The following RYR2 variants were observed in gnomAD, a reference collection of about 807,000 sequenced individuals.
RYR2 encodes ryanodine receptor 2.
RYR2 carries 227 observed loss-of-function variants against 601.1 expected under a neutral mutation model. The observed-to-expected ratio is 0.38, with a 90% CI of 0.34 to 0.42. The LOEUF is 0.42. Ranked by LOEUF, RYR2 falls within the 10% of genes least tolerant of loss-of-function variation. RYR2 has a pLI of 1.00. For missense variants in RYR2, 4,646 were observed against 6,156.5 expected (o/e 0.75, Z 8.21); for synonymous variants, 2,223 against 2,175.1 (o/e 1.02, Z -0.61).
At chr1:237,458,905 A>G (rs897095862) in intron 16 of RYR2, among the ~76,000 whole-genome samples, 48 of 152,220 alleles carry the variant, frequency 3.2e-4, no homozygotes, top group African/African-American at 1.1e-3. Context: ...TGTTTTCATT[A>G]GGTGGGCTAT....
chr1:237,600,424 A>G (rs980789855), intron 34 of RYR2, among the ~76,000 whole-genome samples: 2 of 152,168 alleles, frequency 1.3e-5, no homozygotes, highest in African/African-American at 4.8e-5. Context: ...TTGGACCCCT[A>G]TTTTTCACCA....
At chr1:237,820,278 T>C (rs546204124) in intron 101 of RYR2, among the ~76,000 whole-genome samples, 6 of 151,364 alleles carry the variant, frequency 4.0e-5, no homozygotes, top group Non-Finnish European at 8.8e-5. Flanking sequence ...CCCAGTGAGA[T>C]TGACGCAGAA....
intron 1 of RYR2, among the ~76,000 whole-genome samples, chr1:237,235,880 G>A (rs1249774818): frequency 6.6e-6 from 1 of 152,156 alleles, no homozygotes; most frequent in African/African-American, 2.4e-5. Flanking sequence ...TCGTGCATAT[G>A]TATGTTGGAG....
At chr1:237,361,920 T>G (rs1289337108) in intron 4 of RYR2, among the ~76,000 whole-genome samples, 1 of 152,232 alleles carries the variant, frequency 6.6e-6, no homozygotes, top group Non-Finnish European at 1.5e-5. Context: ...TTGCATTTGC[T>G]AAGAGAGTGC....
At chr1:237,248,429 G>C (rs535882430) in intron 1 of RYR2, among the ~76,000 whole-genome samples, 1 of 151,996 alleles carries the variant, frequency 6.6e-6, no homozygotes. Flanking sequence ...ATGAACTCTG[G>C]GGTTATTTTC....
chr1:237,147,189 A>T (rs541169779), intron 1 of RYR2, among the ~76,000 whole-genome samples: 11 of 152,166 alleles, frequency 7.2e-5, no homozygotes, highest in Non-Finnish European at 1.3e-4. Context: ...GCATATTTAC[A>T]TGAGAGATTG....
At chr1:237,318,787 A>G (rs142270346) in intron 2 of RYR2, among the ~76,000 whole-genome samples, 51 of 152,160 alleles carry the variant, frequency 3.4e-4, no homozygotes, top group African/African-American at 1.2e-3. Flanking sequence ...CTGGGTGTGG[A>G]TCTCTTTGTA....
At chr1:237,259,525 C>T (rs1353629955) in intron 1 of RYR2, among the ~76,000 whole-genome samples, 1 of 57,158 alleles carries the variant, frequency 1.7e-5, no homozygotes, top group Non-Finnish European at 3.5e-5. Flanking sequence ...AGCTCTAGAC[C>T]ATTTAAAAAA....
rs1420091253 is a variant in RYR2 at position 237,208,958 on chromosome 1, A to G, written c.49-61539A>G. Among the ~76,000 whole-genome samples, 146 of 99,954 alleles carry G rather than the reference A, an allele frequency of 1.5e-3. 7 individuals are homozygous for G. Among genetic ancestry groups the G allele is most frequent in the Middle Eastern group, 4.6e-3 (1 of 218 alleles). The allele number at this position is 99,954 out of a possible 152,430, so 65.6% of individuals were successfully genotyped here. On this transcript the variant is annotated intron_variant, in intron 1 of 104. Coordinates refer to ENST00000366574, the MANE Select transcript of RYR2 (RefSeq NM_001035.3). The stretch of plus-strand genomic sequence containing the variant: ...TGTGTATATATATATATATATATAT[A>G]TATATATATATATATATATATATAT...
chr1:237,202,699 G>T (rs1681332853), intron 1 of RYR2, among the ~76,000 whole-genome samples: 1 of 152,054 alleles, frequency 6.6e-6, no homozygotes, highest in South Asian at 2.1e-4. Flanking sequence ...TGAGCCACCG[G>T]GTCCGTCCTT....
intron 2 of RYR2, among the ~76,000 whole-genome samples, chr1:237,323,708 T>C (rs924987164): frequency 6.6e-6 from 1 of 152,230 alleles, no homozygotes; most frequent in African/African-American, 2.4e-5. Context: ...TGGGTCTTTG[T>C]AGCCGCAATG....
chr1:237,442,244 T>G (rs1041463080), intron 13 of RYR2, among the ~76,000 whole-genome samples: 2 of 152,194 alleles, frequency 1.3e-5, no homozygotes, highest in African/African-American at 4.8e-5. Context: ...TAAAGCAAAT[T>G]TTTCTTTTGA....
Position 237,086,888 on chromosome 1 carries a change from T to C in RYR2, c.48+44319T>C, listed in dbSNP as rs752758361. Among the ~76,000 whole-genome samples the C allele has an allele frequency of 2.6e-5, 4 of 152,332 alleles. No individual in the cohort carries two copies. In the South Asian group the frequency reaches 6.2e-4, roughly 24 times the overall value. ...ATGCTTTTAAATGAGATAGAGCTGATACTAATGGACAAGTTGGTGCTATCC... is the reference window on the plus strand; with the variant it reads ...ATGCTTTTAAATGAGATAGAGCTGACACTAATGGACAAGTTGGTGCTATCC... On this transcript the variant is annotated intron_variant, in intron 1 of 104. Transcript: ENST00000366574.
chr1:237,612,007 G>C (rs1397789041), intron 36 of RYR2, among the ~76,000 whole-genome samples: 1 of 151,964 alleles, frequency 6.6e-6, no homozygotes, highest in East Asian at 1.9e-4. Flanking sequence ...AATAGTAAAA[G>C]AAAGGGAACC....
At chr1:237,358,196 C>T (rs944394923) in intron 4 of RYR2, among the ~76,000 whole-genome samples, 2 of 152,138 alleles carry the variant, frequency 1.3e-5, no homozygotes, top group East Asian at 3.9e-4. Flanking sequence ...GAGTGAAATA[C>T]CCCACAGACA....
At chr1:237,772,457 G>A (rs1477464173) in intron 86 of RYR2, among the ~76,000 whole-genome samples, 10 of 152,160 alleles carry the variant, frequency 6.6e-5, no homozygotes, top group Non-Finnish European at 1.5e-4. Flanking sequence ...TGTAGGAATA[G>A]GAAAGAAAGG....
intron 1 of RYR2, among the ~76,000 whole-genome samples, chr1:237,201,445 T>C (rs775282211): frequency 3.0e-4 from 46 of 152,332 alleles, no homozygotes; most frequent in South Asian, 4.1e-4. Flanking sequence ...TTGTGAGTCT[T>C]GCTGTGAAAT....
chr1:237,437,190 A>G (rs1024673497), intron 12 of RYR2, among the ~76,000 whole-genome samples: 18 of 151,584 alleles, frequency 1.2e-4, no homozygotes, highest in African/African-American at 3.1e-4. Flanking sequence ...GACTACAGGC[A>G]CCCGCCACCA....
At chr1:237,104,504 C>A (rs1668456971) in intron 1 of RYR2, among the ~76,000 whole-genome samples, 1 of 152,160 alleles carries the variant, frequency 6.6e-6, no homozygotes, top group Admixed American at 6.5e-5. Context: ...GGTGAGTTGA[C>A]CAACACCATC....
Sources: allele counts gnomAD v4.1 joint callset (sites outside exome capture counted in the v4.1 genomes callset), GRCh38; gene constraint gnomAD v4.1.1; transcripts MANE v1.5; gene names NCBI Gene and HGNC (gene_info 2026-07-23, HGNC 2026-07-21).